The following TSHZ2 variants were observed in gnomAD, a reference collection of about 807,000 sequenced individuals.
TSHZ2 encodes teashirt homolog 2.
TSHZ2 carries 21 observed loss-of-function variants against 74.4 expected under a neutral mutation model. The observed-to-expected ratio is 0.28, with a 90% CI of 0.20 to 0.41. The LOEUF is 0.41. Ranked by LOEUF, TSHZ2 falls within the 10% of genes least tolerant of loss-of-function variation. TSHZ2 has a pLI of 1.00. For synonymous variants in TSHZ2, 540 were observed against 515.3 expected (o/e 1.05, Z -0.65); for missense variants, 1,244 against 1,293.5 (o/e 0.96, Z 0.59).
intron 2 of TSHZ2, among the ~76,000 whole-genome samples, chr20:53,479,936 A>G (rs1269371768): frequency 6.6e-6 from 1 of 152,166 alleles, no homozygotes; most frequent in Non-Finnish European, 1.5e-5. Flanking sequence ...GCTTGCAGAG[A>G]TATTTTCAAA....
Position 53,157,283 on chromosome 20 carries a change from T to C in TSHZ2, c.41-96216T>C, listed in dbSNP as rs951561223. Among the ~76,000 whole-genome samples the C allele has an allele frequency of 1.5e-3, 83 of 53,784 alleles. No individual in the cohort carries two copies. The African/African-American group carries it at 0.017, about 11-fold the overall frequency. The allele number at this position is 53,784 out of a possible 152,430, so 35.3% of individuals were successfully genotyped here. On this transcript the variant is annotated intron_variant, in intron 1 of 2. Coordinates refer to ENST00000371497, the MANE Select transcript of TSHZ2 (RefSeq NM_173485.6). ...GATTGTGTTTAAGGATTCTACCTTT[T>C]ATCAGTGTCTCCAGTGGGTTTGAAC...
intron 1 of TSHZ2, among the ~76,000 whole-genome samples, chr20:52,977,672 C>A (rs941237963): frequency 1.3e-5 from 2 of 152,144 alleles, no homozygotes; most frequent in African/African-American, 4.8e-5. Flanking sequence ...CTCACCTCAC[C>A]CTTAAAGACT....
chr20:53,478,166 A>G (rs955155484), intron 2 of TSHZ2, among the ~76,000 whole-genome samples: 22 of 150,688 alleles, frequency 1.5e-4, no homozygotes, highest in South Asian at 2.1e-4. Context: ...TACTGGGTAT[A>G]TACCCAAAGG....
intron 1 of TSHZ2, among the ~76,000 whole-genome samples, chr20:53,228,050 G>A (rs1453362164): frequency 1.5e-5 from 1 of 67,744 alleles, no homozygotes; most frequent in South Asian, 4.6e-4. Context: ...ATTCTGGTTT[G>A]TTGCTGGTAT....
intron 2 of TSHZ2, among the ~76,000 whole-genome samples, chr20:53,471,594 G>A (rs1220565250): frequency 6.6e-6 from 1 of 152,084 alleles, no homozygotes; most frequent in Non-Finnish European, 1.5e-5. Flanking sequence ...AGACTTCAAG[G>A]ATGAAAAGGT....
At chr20:53,039,830 G>A (rs115808588) in intron 1 of TSHZ2, among the ~76,000 whole-genome samples, 1,572 of 151,580 alleles carry the variant, frequency 0.01, 30 homozygotes, top group African/African-American at 0.035. Context: ...GAAGAGGGCC[G>A]GCTGTGGTGG....
At chr20:53,280,688 T>G (rs191251178) in intron 2 of TSHZ2, among the ~76,000 whole-genome samples, 1,598 of 146,992 alleles carry the variant, frequency 0.011, 10 homozygotes, top group African/African-American at 0.024. Flanking sequence ...TTGTTGTGTG[T>G]GGGGGTTTTT....
At chr20:53,059,455 C>T (rs986474906) in intron 1 of TSHZ2, among the ~76,000 whole-genome samples, 1 of 152,014 alleles carries the variant, frequency 6.6e-6, no homozygotes, top group African/African-American at 2.4e-5. Flanking sequence ...AAAATAAATA[C>T]CCCCGTCCCT....
intron 1 of TSHZ2, among the ~76,000 whole-genome samples, chr20:53,161,869 A>C (rs1704308355): frequency 6.6e-6 from 1 of 152,214 alleles, no homozygotes; most frequent in Admixed American, 6.5e-5. Flanking sequence ...ACACTTCTAT[A>C]AACAATTACT....
Position 52,987,640 on chromosome 20 carries a change from G to GA in TSHZ2, c.40+14314dup, listed in dbSNP as rs1320402063. 2.0e-5 allele frequency among the ~76,000 whole-genome samples: 3 copies of GA among 151,932 alleles called. No homozygotes were observed. In the South Asian group the frequency reaches 6.2e-4, roughly 32 times the overall value. ...TTTCACTTGTGGCTTTTAGTGAACA[G>GA]AAAAAAATATAAGAAGGCTCTCTAT... On this transcript the variant is annotated intron_variant, in intron 1 of 2. Coordinates refer to ENST00000371497, the MANE Select transcript of TSHZ2 (RefSeq NM_173485.6).
chr20:53,110,531 A>G (rs1986502039), intron 1 of TSHZ2, among the ~76,000 whole-genome samples: 2 of 152,188 alleles, frequency 1.3e-5, no homozygotes, highest in South Asian at 2.1e-4. Flanking sequence ...GTTGGGCACC[A>G]CTACTCTATA....
At position 53,064,677 on chromosome 20, in the gene TSHZ2, C is replaced by T. The variant is rs369253141; in HGVS notation, c.40+91344C>T. 6.9e-4 allele frequency among the ~76,000 whole-genome samples: 72 copies of T among 104,442 alleles called. No homozygotes were observed. In the Middle Eastern group the frequency reaches 0.017, roughly 25 times the overall value. 68.5% of individuals were successfully genotyped at this position (104,442 alleles called of 152,430 possible). On this transcript the variant is annotated intron_variant, in intron 1 of 2. Coordinates refer to ENST00000371497, the MANE Select transcript of TSHZ2 (RefSeq NM_173485.6). ...ACTTTTTAAATAAATAAATAAAAGA[C>T]GTAGACAGAGAAACACACACACACA...
chr20:53,254,821 G>A lies in TSHZ2; in HGVS notation c.1363G>A (p.Ala455Thr), dbSNP rs961488227. 15 of 1,613,848 alleles carry A rather than the reference G, an allele frequency of 9.3e-6. No homozygotes were observed. Among genetic ancestry groups the A allele is most frequent in the Non-Finnish European group, 1.2e-5 (14 of 1,179,988 alleles). The change falls in exon 2 of 3, where the codon GCC becomes ACC. Residue 455 changes from alanine to threonine, a missense_variant. Coordinates refer to ENST00000371497, the MANE Select transcript of TSHZ2 (RefSeq NM_173485.6). ...CAGTAACTCAGCATCAGATTGTACAGCCTCTACAACTGAGTTAAAGAAAGA... is the reference window on the plus strand; with the variant it reads ...CAGTAACTCAGCATCAGATTGTACAACCTCTACAACTGAGTTAAAGAAAGA... ...PSSNSASDCT[A>T]STTELKKESK...
At chr20:53,139,964 T>C (rs1365714976) in intron 1 of TSHZ2, among the ~76,000 whole-genome samples, 1 of 144,158 alleles carries the variant, frequency 6.9e-6, no homozygotes, top group East Asian at 2.0e-4. Flanking sequence ...ATGTACTTTT[T>C]ATCTGGCCGT....
At chr20:53,088,950 A>C (rs1198215386) in intron 1 of TSHZ2, among the ~76,000 whole-genome samples, 3 of 152,128 alleles carry the variant, frequency 2.0e-5, no homozygotes, top group Non-Finnish European at 4.4e-5. Flanking sequence ...GTTGTTCTGC[A>C]TTCTTCGGCT....
chr20:53,171,289 A>G (rs779686706), intron 1 of TSHZ2, among the ~76,000 whole-genome samples: 2 of 152,216 alleles, frequency 1.3e-5, no homozygotes, highest in Admixed American at 6.5e-5. Context: ...TATGGCTACA[A>G]TTAAGTTAGA....
intron 1 of TSHZ2, among the ~76,000 whole-genome samples, chr20:53,127,018 T>A (rs6022290): frequency 0.11 from 16,636 of 147,242 alleles, 2,666 homozygotes; most frequent in African/African-American, 0.36. Context: ...AGGAAAAAGG[T>A]AAAAAAAAAG....
At chr20:53,024,036 G>A (rs1983345088) in intron 1 of TSHZ2, among the ~76,000 whole-genome samples, 1 of 151,792 alleles carries the variant, frequency 6.6e-6, no homozygotes, top group African/African-American at 2.4e-5. Context: ...TAAAGGGGAG[G>A]TCATTTTTTT....
chr20:53,405,232 G>C (rs1982803528), intron 2 of TSHZ2, among the ~76,000 whole-genome samples: 2 of 136,696 alleles, frequency 1.5e-5, no homozygotes, highest in South Asian at 4.9e-4. Context: ...CTGGGCAGCA[G>C]AGCAAGACTC....
Sources: allele counts gnomAD v4.1 joint callset (sites outside exome capture counted in the v4.1 genomes callset), GRCh38; gene constraint gnomAD v4.1.1; transcripts MANE v1.5; gene names NCBI Gene and HGNC (gene_info 2026-07-23, HGNC 2026-07-21).